SDK1: variants seen among roughly 807,000 people sequenced by gnomAD.
The protein encoded by SDK1 is sidekick cell adhesion molecule 1.
In SDK1, 157 loss-of-function variants were observed where a neutral mutation model predicts 245.5. The observed-to-expected ratio is 0.64, with a 90% CI of 0.56 to 0.73. The LOEUF is 0.73. Among genes scored for constraint, SDK1 ranks in the 30% least tolerant of loss-of-function variants. The pLI is 0.00. For synonymous variants in SDK1, 1,647 were observed against 1,278.5 expected (o/e 1.29, Z -6.15); for missense variants, 3,583 against 3,002.3 (o/e 1.19, Z -4.52).
chr7:3,574,399 A>G (rs1022980470), intron 1 of SDK1, among the ~76,000 whole-genome samples: 7 of 152,052 alleles, frequency 4.6e-5, no homozygotes, highest in African/African-American at 1.4e-4. Flanking sequence ...TACAGGCATG[A>G]GCCACCGTGC....
chr7:3,802,218 G>A (rs920928836), intron 4 of SDK1, among the ~76,000 whole-genome samples: 24 of 152,206 alleles, frequency 1.6e-4, no homozygotes, highest in African/African-American at 5.8e-4. Context: ...GCAGATGTGT[G>A]TAACTACCAC....
chr7:3,845,086 C>T (rs915626156), intron 5 of SDK1, among the ~76,000 whole-genome samples: 5 of 152,066 alleles, frequency 3.3e-5, no homozygotes, highest in Non-Finnish European at 5.9e-5. Context: ...CTTCGGAGAG[C>T]GGAGGTCGCG....
chr7:4,232,384 C>CTTTT (rs1425066111), intron 40 of SDK1, among the ~76,000 whole-genome samples: 2 of 92,870 alleles, frequency 2.2e-5, no homozygotes, highest in Non-Finnish European at 2.4e-5. Context: ...TTCCTTTTTT[C>CTTTT]TTTTTTTCTT....
At chr7:4,255,356 G>A (rs1379783357) in intron 44 of SDK1, among the ~76,000 whole-genome samples, 1 of 152,202 alleles carries the variant, frequency 6.6e-6, no homozygotes, top group Non-Finnish European at 1.5e-5. Context: ...CAGGACCTCT[G>A]TGTCACTGCA....
chr7:4,208,492 C>T lies in SDK1; in HGVS notation c.5401+207C>T, dbSNP rs140390254. ...GGCCTCAGACTGGTACACAGTGGCG[C>T]TAAATAAATGTTAGGTGGGTTGGAG... On this transcript the variant is annotated intron_variant, in intron 37 of 44. Transcript: ENST00000404826. Among the ~76,000 whole-genome samples the T allele has an allele frequency of 1.9e-3, 283 of 152,322 alleles. 1 individual carries two copies. The highest frequency in any genetic ancestry group is 6.7e-3 in the African/African-American group (279 of 41,576).
chr7:3,316,309 C>T (rs1583672229), intron 1 of SDK1, among the ~76,000 whole-genome samples: 1 of 152,116 alleles, frequency 6.6e-6, no homozygotes, highest in African/African-American at 2.4e-5. Flanking sequence ...TGTTTAGACA[C>T]ATAAATACTT....
chr7:4,075,212 C>T (rs1780583409), intron 20 of SDK1, among the ~76,000 whole-genome samples: 1 of 152,044 alleles, frequency 6.6e-6, no homozygotes, highest in African/African-American at 2.4e-5. Context: ...CTCTGGTGGC[C>T]CTTGTTCCTT....
At chr7:4,145,948 G>A in intron 29 of SDK1, 32 bp downstream of exon 29, 8 of 1,562,302 alleles carry the variant, frequency 5.1e-6, no homozygotes, top group Non-Finnish European at 6.9e-6. Flanking sequence ...GGGTACTGCA[G>A]ATGTTGTGGG....
Position 3,791,944 on chromosome 7 carries a change from G to A in SDK1, c.714-29506G>A, listed in dbSNP as rs904459108. On this transcript the variant is annotated intron_variant, in intron 4 of 44. Transcript: ENST00000404826. ...TTTGAAACCAGCCTGGGCAACACAG[G>A]GAGAGTTTGTCTTTCCAAAAAATGC... is the stretch of plus-strand genomic sequence containing the variant. Among the ~76,000 whole-genome samples the A allele has an allele frequency of 3.3e-5, 5 of 151,766 alleles. No homozygotes were observed. In the South Asian group the frequency reaches 1.0e-3, roughly 32 times the overall value.
chr7:3,632,697 T>A (rs1276756433), intron 2 of SDK1, among the ~76,000 whole-genome samples: 1 of 152,254 alleles, frequency 6.6e-6, no homozygotes, highest in Non-Finnish European at 1.5e-5. Context: ...TTAATTTAAC[T>A]TCATATTGAT....
At chr7:3,603,037 C>G (rs934854370) in intron 1 of SDK1, among the ~76,000 whole-genome samples, 1 of 152,028 alleles carries the variant, frequency 6.6e-6, no homozygotes, top group East Asian at 1.9e-4. Context: ...TTCCATTGAT[C>G]TATATCTCTG....
chr7:3,418,599 G>T (rs1016198398), intron 1 of SDK1, among the ~76,000 whole-genome samples: 1 of 152,088 alleles, frequency 6.6e-6, no homozygotes, highest in Non-Finnish European at 1.5e-5. Context: ...AAGTCTTCAC[G>T]TGAGCATGAC....
intron 20 of SDK1, among the ~76,000 whole-genome samples, chr7:4,070,169 T>C (rs956745470): frequency 1.3e-5 from 2 of 152,192 alleles, no homozygotes; most frequent in African/African-American, 4.8e-5. Flanking sequence ...TTGAAAGAAA[T>C]AATACTTGCA....
chr7:3,958,072 AG>A (rs1416959834), intron 7 of SDK1: 1 of 464,984 alleles, frequency 2.2e-6, no homozygotes, highest in Admixed American at 2.4e-5. Flanking sequence ...CAGTCAATAT[AG>A]GAGGCATGCC....
At chr7:4,057,114 C>T (rs1157946461) in intron 19 of SDK1, among the ~76,000 whole-genome samples, 3 of 152,218 alleles carry the variant, frequency 2.0e-5, no homozygotes, top group South Asian at 2.1e-4. Flanking sequence ...TGAAGCACAC[C>T]TCCCCAGCAG....
At chr7:4,264,177 T>C (rs1196062549) in intron 44 of SDK1, among the ~76,000 whole-genome samples, 1 of 114,324 alleles carries the variant, frequency 8.7e-6, no homozygotes, top group African/African-American at 3.5e-5. Context: ...CTCTCCTGAG[T>C]GGGGGAGGCC....
At chr7:4,144,805 G>A (rs1190405625) in intron 28 of SDK1, among the ~76,000 whole-genome samples, 4 of 152,182 alleles carry the variant, frequency 2.6e-5, no homozygotes, top group African/African-American at 7.2e-5. Context: ...AGACCGGAGC[G>A]CGGCTCTGTT....
chr7:4,225,846 T>C (rs914066876), intron 40 of SDK1, among the ~76,000 whole-genome samples: 2 of 152,084 alleles, frequency 1.3e-5, no homozygotes, highest in South Asian at 2.1e-4. Flanking sequence ...CGGCGAGGGC[T>C]GAAGATCCTG....
intron 4 of SDK1, among the ~76,000 whole-genome samples, chr7:3,762,645 G>T (rs1380171261): frequency 6.6e-6 from 1 of 152,198 alleles, no homozygotes; most frequent in Non-Finnish European, 1.5e-5. Context: ...CTGTGAATCA[G>T]TCTTCATTTG....
Sources: allele counts gnomAD v4.1 joint callset (sites outside exome capture counted in the v4.1 genomes callset), GRCh38; gene constraint gnomAD v4.1.1; transcripts MANE v1.5; gene names NCBI Gene and HGNC (gene_info 2026-07-23, HGNC 2026-07-21).